INPP4B: variants seen among roughly 807,000 people sequenced by gnomAD.
The protein encoded by INPP4B is inositol polyphosphate-4-phosphatase type II B, also known as inositol polyphosphate 4-phosphatase type II.
In INPP4B, 55 loss-of-function variants were observed where a neutral mutation model predicts 122.5. That is an observed-to-expected ratio of 0.45 (90% CI 0.36 to 0.56). INPP4B has a LOEUF of 0.56. Ranked by LOEUF, INPP4B falls within the 20% of genes least tolerant of loss-of-function variation. The probability of loss-of-function intolerance (pLI) is 0.00; values close to 1 mark genes in which losing one functional copy is unlikely to be tolerated. For missense variants in INPP4B, 1,000 were observed against 1,097.7 expected (o/e 0.91, Z 1.26); for synonymous variants, 403 against 388.7 (o/e 1.04, Z -0.43).
At chr4:142,540,193 G>T (rs1828771900) in intron 2 of INPP4B, among the ~76,000 whole-genome samples, 1 of 152,056 alleles carries the variant, frequency 6.6e-6, no homozygotes, top group Admixed American at 6.6e-5. Context: ...CACCCTGAAT[G>T]TCACAGAGAT....
At chr4:142,523,787 C>T (rs925772188) in intron 2 of INPP4B, among the ~76,000 whole-genome samples, 2 of 145,144 alleles carry the variant, frequency 1.4e-5, no homozygotes, top group Middle Eastern at 3.2e-3. Flanking sequence ...AGGTATATCT[C>T]CCAATGCTAT....
intron 1 of INPP4B, among the ~76,000 whole-genome samples, chr4:142,743,588 A>G (rs1768217306): frequency 6.6e-6 from 1 of 151,956 alleles, no homozygotes; most frequent in African/African-American, 2.4e-5. Flanking sequence ...CCCAGAGTGG[A>G]GATACCTCAT....
intron 3 of INPP4B, among the ~76,000 whole-genome samples, chr4:142,434,434 T>C (rs1455160455): frequency 3.3e-5 from 5 of 152,126 alleles, no homozygotes; most frequent in Non-Finnish European, 7.4e-5. Context: ...TTTCAGGTTG[T>C]CCCTGTGGAA....
chr4:142,745,149 C>T (rs992852783), intron 1 of INPP4B, among the ~76,000 whole-genome samples: 1 of 151,636 alleles, frequency 6.6e-6, no homozygotes, highest in African/African-American at 2.4e-5. Context: ...ATAGCATTAA[C>T]CTTAAACACT....
intron 2 of INPP4B, among the ~76,000 whole-genome samples, chr4:142,531,239 T>G (rs1827573279): frequency 6.7e-6 from 1 of 149,426 alleles, no homozygotes; most frequent in Non-Finnish European, 1.5e-5. Context: ...TTAAAAGGGG[T>G]CACTCTTAAC....
At chr4:142,429,437 A>T (rs1390737740) in intron 4 of INPP4B, among the ~76,000 whole-genome samples, 1 of 152,090 alleles carries the variant, frequency 6.6e-6, no homozygotes, top group African/African-American at 2.4e-5. Flanking sequence ...TGGTCATTTT[A>T]TCTGTATGGT....
chr4:142,168,479 G>C (rs1212547958), intron 16 of INPP4B, among the ~76,000 whole-genome samples: 3 of 151,402 alleles, frequency 2.0e-5, no homozygotes, highest in African/African-American at 7.3e-5. Context: ...AGAATCAGTG[G>C]GATCCTTTCA....
intron 9 of INPP4B, among the ~76,000 whole-genome samples, chr4:142,297,284 C>T (rs1042191340): frequency 2.0e-5 from 3 of 152,168 alleles, no homozygotes; most frequent in African/African-American, 4.8e-5. Context: ...CAGGTAAGCA[C>T]GCCTTCCTTG....
At chr4:142,256,919 C>G (rs531297943) in intron 11 of INPP4B, among the ~76,000 whole-genome samples, 11 of 152,278 alleles carry the variant, frequency 7.2e-5, no homozygotes, top group South Asian at 2.1e-4. Flanking sequence ...GAATTTTAGA[C>G]CAATATCTCT....
At chr4:142,355,893 A>T (rs933742574) in intron 7 of INPP4B, among the ~76,000 whole-genome samples, 13 of 151,380 alleles carry the variant, frequency 8.6e-5, no homozygotes, top group Non-Finnish European at 1.5e-4. Context: ...GATAGCTTTG[A>T]TCACTTCTTC....
chr4:142,697,088 T>C (rs925176221), intron 2 of INPP4B, among the ~76,000 whole-genome samples: 5 of 152,222 alleles, frequency 3.3e-5, no homozygotes, highest in African/African-American at 9.7e-5. Context: ...AATCATATTA[T>C]ATACATGTGA....
intron 14 of INPP4B, among the ~76,000 whole-genome samples, chr4:142,204,640 T>G (rs902017005): frequency 2.0e-5 from 3 of 152,088 alleles, no homozygotes; most frequent in Non-Finnish European, 2.9e-5. Context: ...AGGATGGATC[T>G]TAATCCTATA....
chr4:142,578,071 T>C (rs1462176723), intron 2 of INPP4B, among the ~76,000 whole-genome samples: 6 of 151,896 alleles, frequency 4.0e-5, no homozygotes, highest in South Asian at 2.1e-4. Context: ...CACACAAAGG[T>C]GCAAATACCG....
intron 1 of INPP4B, among the ~76,000 whole-genome samples, chr4:142,818,201 T>C (rs1780350668): frequency 6.6e-6 from 1 of 152,172 alleles, no homozygotes; most frequent in African/African-American, 2.4e-5. Flanking sequence ...TTGCATGTAG[T>C]CACTGAGTCC....
At chr4:142,648,035 G>A (rs1248242563) in intron 2 of INPP4B, among the ~76,000 whole-genome samples, 1 of 152,138 alleles carries the variant, frequency 6.6e-6, no homozygotes, top group Non-Finnish European at 1.5e-5. Context: ...CACAAAATCT[G>A]AAACGAGTTA....
intron 10 of INPP4B, among the ~76,000 whole-genome samples, chr4:142,265,686 A>T (rs1248143058): frequency 6.6e-6 from 1 of 152,244 alleles, no homozygotes; most frequent in Non-Finnish European, 1.5e-5. Flanking sequence ...GTTTACAAAT[A>T]ATCCAGACAG....
chr4:142,730,137 A>T (rs1765870898), intron 1 of INPP4B, among the ~76,000 whole-genome samples: 1 of 152,024 alleles, frequency 6.6e-6, no homozygotes, highest in Admixed American at 6.6e-5. Flanking sequence ...TCATCTCCAG[A>T]TCTCCCAGCC....
intron 25 of INPP4B, among the ~76,000 whole-genome samples, chr4:142,064,953 T>C (rs1035582443): frequency 2.0e-5 from 3 of 152,164 alleles, no homozygotes; most frequent in Admixed American, 6.5e-5. Flanking sequence ...CAAATTCAGA[T>C]GTAAGAAAAC....
intron 2 of INPP4B, among the ~76,000 whole-genome samples, chr4:142,660,271 G>C (rs1055186464): frequency 2.0e-5 from 3 of 152,146 alleles, no homozygotes; most frequent in Admixed American, 2.0e-4. Context: ...AAGGATGGAA[G>C]AGGGAAAGAG....
Sources: allele counts gnomAD v4.1 joint callset (sites outside exome capture counted in the v4.1 genomes callset), GRCh38; gene constraint gnomAD v4.1.1; transcripts MANE v1.5; gene names NCBI Gene and HGNC (gene_info 2026-07-23, HGNC 2026-07-21).